Variants in IRAG2 observed in about 807,000 individuals in gnomAD.
The protein encoded by IRAG2 is inositol 1,4,5-triphosphate receptor associated 2, also known as lymphoid restricted membrane protein.
A neutral mutation model predicts 69.9 loss-of-function variants in IRAG2; 45 were observed. The observed-to-expected ratio is 0.64, with a 90% CI of 0.51 to 0.83. IRAG2 has a LOEUF of 0.83. IRAG2 is among the 40% of genes least tolerant of loss of function. The pLI, the probability that IRAG2 is intolerant of heterozygous loss-of-function variation, is 0.00. For missense variants in IRAG2, 520 were observed against 587.0 expected, an observed-to-expected ratio of 0.89 and a Z score of 1.18; for synonymous variants, 193 against 202.4, an observed-to-expected ratio of 0.95 and a Z score of 0.40.
chr12:25,026,081 T>C (rs1252920600), intron 8 of IRAG2, among the ~76,000 whole-genome samples: 2 of 152,206 alleles, frequency 1.3e-5, no homozygotes, highest in Non-Finnish European at 2.9e-5. Flanking sequence ...GGCACAGCTG[T>C]GCTCTAATAA....
intron 10 of IRAG2, 30 bp from the exon 11 acceptor site, chr12:25,088,070 A>G (rs1165828272): frequency 2.0e-6 from 3 of 1,503,716 alleles, no homozygotes; most frequent in Admixed American, 1.7e-5. Context: ...TTTCCACTCT[A>G]TGTACAGTGG....
chr12:25,038,418 G>A (rs926231123), intron 16 of IRAG2, among the ~76,000 whole-genome samples: 2 of 152,100 alleles, frequency 1.3e-5, no homozygotes, highest in South Asian at 2.1e-4. Context: ...TAAGGTGGGC[G>A]AATCACCTGA....
At chr12:25,022,630 T>C (rs1565528268) in intron 7 of IRAG2, among the ~76,000 whole-genome samples, 1 of 152,216 alleles carries the variant, frequency 6.6e-6, no homozygotes, top group Non-Finnish European at 1.5e-5. Flanking sequence ...ATCTGTAAGG[T>C]AGAAACAGAA....
At chr12:25,105,640 G>GAA (rs59012229) in intron 20 of IRAG2, among the ~76,000 whole-genome samples, 2 of 150,502 alleles carry the variant, frequency 1.3e-5, no homozygotes, top group South Asian at 2.1e-4. Flanking sequence ...GAGCTGGTTG[G>GAA]AAAAAAAAAT....
At chr12:25,035,810 C>G in intron 14 of IRAG2, 4 of 398,930 alleles carry the variant, frequency 1.0e-5, no homozygotes, top group Non-Finnish European at 4.4e-6. Context: ...ATACCTTTAT[C>G]ATGGTGTTCC....
intron 9 of IRAG2, among the ~76,000 whole-genome samples, chr12:25,080,933 G>C (rs1017935335): frequency 5.3e-5 from 8 of 152,178 alleles, no homozygotes; most frequent in Admixed American, 4.6e-4. Flanking sequence ...CTAACTTTTT[G>C]TAAATATAGT....
At chr12:25,086,791 G>A (rs942233586) in intron 10 of IRAG2, among the ~76,000 whole-genome samples, 3 of 152,168 alleles carry the variant, frequency 2.0e-5, no homozygotes, top group Non-Finnish European at 2.9e-5. Flanking sequence ...ACTGGATTTG[G>A]CAATAGGGAG....
At chr12:25,017,108 A>C in intron 5 of IRAG2, 2 of 1,227,420 alleles carry the variant, frequency 1.6e-6, no homozygotes, top group Non-Finnish European at 2.0e-6. Flanking sequence ...TGTGAAGGTT[A>C]TTCTCATCTA....
intron 2 of IRAG2, among the ~76,000 whole-genome samples, chr12:25,009,025 A>G (rs1944454506): frequency 6.6e-6 from 1 of 152,200 alleles, no homozygotes; most frequent in Non-Finnish European, 1.5e-5. Flanking sequence ...ATAATATGCC[A>G]GACATGGTAG....
At chr12:25,091,222 A>C in intron 14 of IRAG2, 1 of 157,762 alleles carries the variant, frequency 6.3e-6, no homozygotes, top group South Asian at 1.8e-4. Flanking sequence ...ATTGTTGCAA[A>C]ACAGATCTTG....
intron 15 of IRAG2, among the ~76,000 whole-genome samples, chr12:25,037,609 A>G (rs1944711825): frequency 6.6e-6 from 1 of 152,214 alleles, no homozygotes; most frequent in East Asian, 1.9e-4. Flanking sequence ...ACATGTGAAT[A>G]TGATAATCTG....
intron 10 of IRAG2, among the ~76,000 whole-genome samples, chr12:25,087,869 C>T (rs866716964): frequency 1.1e-4 from 16 of 152,254 alleles, no homozygotes; most frequent in African/African-American, 2.4e-4. Flanking sequence ...AGGAGAATAA[C>T]GCCTGATGAT....
chr12:25,078,682 A>G (rs764272149), intron 6 of IRAG2, among the ~76,000 whole-genome samples: 1 of 152,254 alleles, frequency 6.6e-6, no homozygotes, highest in Admixed American at 6.5e-5. Flanking sequence ...AGAAACTTTC[A>G]AACACTTGCC....
upstream of IRAG2, among the ~76,000 whole-genome samples, chr12:25,003,142 C>T (rs1379567619): frequency 6.6e-6 from 1 of 152,020 alleles, no homozygotes; most frequent in Non-Finnish European, 1.5e-5. Context: ...TCTAGATACC[C>T]CTTCCAATTA....
intron 9 of IRAG2, chr12:25,030,239 A>C (rs1944658262): frequency 6.6e-6 from 8 of 1,209,120 alleles, no homozygotes; most frequent in Non-Finnish European, 8.3e-6. Context: ...TTACCAAAGC[A>C]ATGTCCCAAC....
chr12:25,101,013 T>C (rs969011228), intron 15 of IRAG2, 165 bp from the exon 16 acceptor site: 1 of 505,702 alleles, frequency 2.0e-6, no homozygotes, highest in African/African-American at 2.0e-5. Context: ...TGTTGTCATA[T>C]TCTCTTCTGT....
intron 9 of IRAG2, among the ~76,000 whole-genome samples, chr12:25,029,346 T>C (rs564412383): frequency 6.6e-6 from 1 of 152,200 alleles, no homozygotes; most frequent in Non-Finnish European, 1.5e-5. Flanking sequence ...TCTTTTCTAC[T>C]GAAAAATTTT....
intron 10 of IRAG2, among the ~76,000 whole-genome samples, chr12:25,085,688 A>C (rs191659426): frequency 3.2e-4 from 47 of 147,454 alleles, no homozygotes; most frequent in African/African-American, 1.2e-3. Context: ...CTGAGGGTGG[A>C]GCCCTCACTG....
intron 13 of IRAG2, among the ~76,000 whole-genome samples, chr12:25,034,899 A>G (rs570909748): frequency 6.6e-6 from 1 of 152,346 alleles, no homozygotes; most frequent in South Asian, 2.1e-4. Context: ...TCTGTTTCAA[A>G]TACTCATCAT....
Sources: gnomAD v4.1 joint callset for allele counts (sites outside exome capture counted in the v4.1 genomes callset) on GRCh38, gnomAD v4.1.1 for gene constraint, MANE v1.5 for transcripts, NCBI Gene and HGNC (gene_info 2026-07-23, HGNC 2026-07-21) for gene names.